PTPN14: variants seen among roughly 807,000 people sequenced by gnomAD.
The protein encoded by PTPN14 is tyrosine-protein phosphatase non-receptor type 14.
In PTPN14, 53 loss-of-function variants were observed where a neutral mutation model predicts 126.8. The ratio of observed to expected loss-of-function variants is 0.42; its 90% CI spans 0.34 to 0.53. The LOEUF (loss-of-function observed/expected upper bound fraction) is 0.53. Among genes scored for constraint, PTPN14 ranks in the 20% least tolerant of loss-of-function variants. The pLI is 0.08. For missense variants in PTPN14, 1,257 were observed against 1,552.9 expected, an observed-to-expected ratio of 0.81 and a Z score of 3.20; for synonymous variants, 630 against 599.3, an observed-to-expected ratio of 1.05 and a Z score of -0.75.
chr1:214,404,351 T>C (rs944982967), intron 5 of PTPN14, among the ~76,000 whole-genome samples: 5 of 152,196 alleles, frequency 3.3e-5, no homozygotes, highest in African/African-American at 9.7e-5. Context: ...GTTTCCTGTT[T>C]AGCCATCCAT....
At chr1:214,522,400 G>C (rs569173193) in intron 1 of PTPN14, among the ~76,000 whole-genome samples, 1 of 152,208 alleles carries the variant, frequency 6.6e-6, no homozygotes, top group African/African-American at 2.4e-5. Context: ...TTAATATCTT[G>C]TTTTCAAAAA....
intron 6 of PTPN14, 107 bp from the exon 7 acceptor site, chr1:214,401,879 G>A (rs927224612): frequency 1.1e-6 from 1 of 895,036 alleles, no homozygotes; most frequent in Non-Finnish European, 1.8e-6. Context: ...CTAGTTTCTG[G>A]GAAGAGCAAT....
intron 1 of PTPN14, among the ~76,000 whole-genome samples, chr1:214,471,081 T>A (rs940804362): frequency 5.3e-5 from 8 of 151,186 alleles, no homozygotes; most frequent in East Asian, 1.9e-4. Flanking sequence ...CTAAATCTTT[T>A]TTTTTTTTTT....
At chr1:214,514,288 C>G (rs144359019) in intron 1 of PTPN14, among the ~76,000 whole-genome samples, 2 of 152,140 alleles carry the variant, frequency 1.3e-5, no homozygotes, top group African/African-American at 2.4e-5. Context: ...AGCCCTCAAA[C>G]GCTCTACAAA....
chr1:214,419,874 T>G (rs4655343), intron 3 of PTPN14, among the ~76,000 whole-genome samples: 139,898 of 152,132 alleles, frequency 0.92, 64,423 homozygotes, highest in African/African-American at 0.96. Context: ...TGCTGTTCTC[T>G]GTCTGCCAGG....
chr1:214,456,027 G>T (rs982435309), intron 2 of PTPN14, among the ~76,000 whole-genome samples: 6 of 152,138 alleles, frequency 3.9e-5, no homozygotes, highest in Admixed American at 1.3e-4. Flanking sequence ...TCATTTATTT[G>T]TAAAGAGATG....
intron 1 of PTPN14, among the ~76,000 whole-genome samples, chr1:214,546,685 C>T (rs1332586682): frequency 6.6e-6 from 1 of 152,152 alleles, no homozygotes; most frequent in African/African-American, 2.4e-5. Context: ...TATTGACCAA[C>T]ATAAAGCATT....
intron 1 of PTPN14, among the ~76,000 whole-genome samples, chr1:214,513,900 C>T (rs1236585560): frequency 7.2e-5 from 11 of 152,058 alleles, no homozygotes; most frequent in Non-Finnish European, 1.3e-4. Flanking sequence ...TTTTTGGTTG[C>T]TGTGTTATTA....
At chr1:214,410,942 G>A (rs1484218268) in intron 5 of PTPN14, among the ~76,000 whole-genome samples, 1 of 152,028 alleles carries the variant, frequency 6.6e-6, no homozygotes, top group Non-Finnish European at 1.5e-5. Context: ...TGGGGTCTTT[G>A]GTGACTCCAA....
In PTPN14 at chr1:214,532,373, C is replaced by T. The variant is rs145963602; in HGVS notation, c.-155+18810G>A. 996 of 611,952 alleles carry T rather than the reference C, an allele frequency of 1.6e-3. 4 individuals are homozygous for T. The African/African-American group carries it at 0.016, about 10-fold the overall frequency. The allele number at this position is 611,952 out of a possible 1,614,324, so 37.9% of individuals were successfully genotyped here. A position where few individuals can be genotyped will look rare whatever the true frequency, so the allele number is the denominator to read the frequency against. On this transcript the variant is annotated intron_variant, in intron 1 of 18. Transcript: ENST00000366956. ...ATGGCTTGGGGTCCCGGGGCCTGGCCGCAGGGATGGCTGGGGGCCTGGCAG... is the reference window on the plus strand; with the variant it reads ...ATGGCTTGGGGTCCCGGGGCCTGGCTGCAGGGATGGCTGGGGGCCTGGCAG...
At position 214,470,554 on chromosome 1, in the gene PTPN14, G is replaced by A. The variant is rs117465742; in HGVS notation, c.-154-5597C>T. 3.4e-3 allele frequency among the ~76,000 whole-genome samples: 515 copies of A among 152,060 alleles called. 17 individuals are homozygous for A. The East Asian group carries it at 0.039, about 11-fold the overall frequency. ...TCCCAACACTTTTGGAGGCCGGGGC[G>A]AGTGGATCACTTGAGATCAGGAGTT... On this transcript the variant is annotated intron_variant, in intron 1 of 18. Transcript: ENST00000366956.
intron 8 of PTPN14, among the ~76,000 whole-genome samples, chr1:214,397,512 G>A (rs1181452872): frequency 6.6e-6 from 1 of 152,078 alleles, no homozygotes; most frequent in Non-Finnish European, 1.5e-5. Flanking sequence ...TAAATAGATT[G>A]CTTTTTCAAA....
At position 214,364,204 on chromosome 1, in the gene PTPN14, G is replaced by A. The variant is rs1351545156; in HGVS notation, c.3435+308C>T. Among the ~76,000 whole-genome samples, 1 of 152,100 alleles carries A rather than the reference G, an allele frequency of 6.6e-6. No homozygotes were observed. Among genetic ancestry groups the A allele is most frequent in the Non-Finnish European group, 1.5e-5 (1 of 68,020 alleles). Reference sequence around the variant, plus strand: ...TGGAAAATTACCCACAATAAAACCAGGCTATCTACAAAATGCCAAAGACTT... The same window carrying A: ...TGGAAAATTACCCACAATAAAACCAAGCTATCTACAAAATGCCAAAGACTT... On this transcript the variant is annotated intron_variant, in intron 18 of 18. Transcript: ENST00000366956. This position sits in a 1 kb window ranked among gnomAD's most constrained non-coding sequence, Gnocchi z 4.1.
chr1:214,442,978 C>G (rs1337437562), intron 3 of PTPN14, among the ~76,000 whole-genome samples: 2 of 152,094 alleles, frequency 1.3e-5, no homozygotes, highest in Non-Finnish European at 2.9e-5. Flanking sequence ...TATGTGCCAC[C>G]ATGCCAGGCT....
In PTPN14 at chr1:214,384,573, T is replaced by G. The variant is rs1658563305; in HGVS notation, c.1282A>C (p.Ser428Arg). Reference protein sequence around the residue: ...SDIMRADYIPSHRHSAIIVPS... With the variant: ...SDIMRADYIPRHRHSAIIVPS... ...ACGATGATCGCGCTGTGCCGGTGGCTCGGGATGTAGTCGGCCCGCATGATG... is the reference window on the plus strand; with the variant it reads ...ACGATGATCGCGCTGTGCCGGTGGCGCGGGATGTAGTCGGCCCGCATGATG... The change falls in exon 13 of 19, where the codon AGC becomes CGC. Residue 428 changes from serine (S) to arginine (R), a missense_variant. Physicochemically the swap from Ser to Arg is moderately radical, Grantham distance 110. Coordinates refer to ENST00000366956, the MANE Select transcript of PTPN14 (RefSeq NM_005401.5). This position sits in a 1 kb window ranked among gnomAD's most constrained non-coding sequence, Gnocchi z 5.3. 6.2e-7 allele frequency: 1 copy of G among 1,613,962 alleles called. No homozygotes were observed. The highest frequency in any genetic ancestry group is 1.1e-5 in the South Asian group (1 of 91,068).
chr1:214,496,883 A>G (rs1654529608), intron 1 of PTPN14, among the ~76,000 whole-genome samples: 1 of 152,244 alleles, frequency 6.6e-6, no homozygotes, highest in Admixed American at 6.5e-5. Flanking sequence ...ATAAAGTTCA[A>G]TCATTCCTTC....
chr1:214,412,501 G>A (rs192402270), intron 4 of PTPN14, among the ~76,000 whole-genome samples: 10 of 152,254 alleles, frequency 6.6e-5, no homozygotes, highest in Admixed American at 4.6e-4. Context: ...AAAAATAAAC[G>A]TCAACCTACA....
At chr1:214,365,475 C>G (rs1356781328) in intron 17 of PTPN14, among the ~76,000 whole-genome samples, 1 of 152,142 alleles carries the variant, frequency 6.6e-6, no homozygotes, top group Non-Finnish European at 1.5e-5. Context: ...TCCTCAGACA[C>G]TCCAAAAACC....
In PTPN14 at chr1:214,507,492, G is replaced by C. The variant is rs186231344; in HGVS notation, c.-154-42535C>G. On this transcript the variant is annotated intron_variant, in intron 1 of 18. Coordinates refer to ENST00000366956, the MANE Select transcript of PTPN14 (RefSeq NM_005401.5). The stretch of plus-strand genomic sequence containing the variant: ...TGAGTCAGTATAGCTCATCCTAGAA[G>C]AACACTTTCAAGACATATATAGAAC... 3.9e-5 allele frequency among the ~76,000 whole-genome samples: 6 copies of C among 152,284 alleles called. No homozygotes were observed. The East Asian group carries it at 1.2e-3, about 29-fold the overall frequency.
Sources: allele counts gnomAD v4.1 joint callset (sites outside exome capture counted in the v4.1 genomes callset), GRCh38; gene constraint gnomAD v4.1.1; non-coding constraint Gnocchi (gnomAD v3.1); transcripts MANE v1.5; gene names NCBI Gene and HGNC (gene_info 2026-07-23, HGNC 2026-07-21).